DTNBP1: variants seen among roughly 807,000 people sequenced by gnomAD.
The protein encoded by DTNBP1 is dysbindin.
In DTNBP1, 35 loss-of-function variants were observed where a neutral mutation model predicts 42.8. The observed-to-expected ratio is 0.82, with a 90% CI of 0.63 to 1.09. The LOEUF (loss-of-function observed/expected upper bound fraction) is 1.09, where lower values mean the gene tolerates loss of function less well. DTNBP1 is among the 50% of genes least tolerant of loss of function. The pLI is 0.00. For synonymous variants in DTNBP1, 171 were observed against 162.2 expected, an observed-to-expected ratio of 1.05 and a Z score of -0.41; for missense variants, 457 against 424.2, an observed-to-expected ratio of 1.08 and a Z score of -0.68.
intron 7 of DTNBP1, among the ~76,000 whole-genome samples, chr6:15,568,554 A>C (rs959987824): frequency 6.6e-6 from 1 of 152,004 alleles, no homozygotes; most frequent in African/African-American, 2.4e-5. Context: ...TTTATACACG[A>C]ATTTTTTTTT....
In DTNBP1 at chr6:15,584,031, ACTGT is replaced by A. The variant is rs1212564587; in HGVS notation, c.511+9024_511+9027del. Among the ~76,000 whole-genome samples, 20 of 152,180 alleles carry A rather than the reference ACTGT, an allele frequency of 1.3e-4. 1 individual carries two copies. Among genetic ancestry groups the A allele is most frequent in the Admixed American group, 1.0e-3 (16 of 15,274 alleles). On this transcript the variant is annotated intron_variant, in intron 7 of 9. Coordinates refer to ENST00000344537, the MANE Select transcript of DTNBP1 (RefSeq NM_032122.5). The stretch of plus-strand genomic sequence containing the variant: ...ACAATCAACTCCGTCTTAGAAATAA[ACTGT>A]CTTAGAGCCAAAATTAACAAACAGG...
rs921558913 is a variant in DTNBP1, at chr6:15,592,955, T to C, written c.511+104A>G. ...AACAGTATTAAGTTTTACTGTTTTA[T>C]GTAAACTGATTTTAAAAAATGAGTT... is the stretch of plus-strand genomic sequence containing the variant. On this transcript the variant is annotated intron_variant, in intron 7 of 9. Coordinates refer to ENST00000344537, the MANE Select transcript of DTNBP1 (RefSeq NM_032122.5). 29 of 1,196,350 alleles carry C rather than the reference T, an allele frequency of 2.4e-5. No individual in the cohort carries two copies. The African/African-American group carries it at 4.1e-4, about 17-fold the overall frequency. The allele number at this position is 1,196,350 out of a possible 1,614,324, so 74.1% of individuals were successfully genotyped here.
chr6:15,556,942 C>G (rs890794185), intron 7 of DTNBP1, among the ~76,000 whole-genome samples: 1 of 152,170 alleles, frequency 6.6e-6, no homozygotes, highest in African/African-American at 2.4e-5. Flanking sequence ...GCTTCTTTGA[C>G]TTGAAAATTG....
At chr6:15,595,083 CCT>C in intron 6 of DTNBP1, 1 of 456,046 alleles carries the variant, frequency 2.2e-6, no homozygotes, top group Admixed American at 2.4e-5. Flanking sequence ...TTCTGGGCAT[CCT>C]CTGTCACACA....
Position 15,657,901 on chromosome 6 carries a change from TCTC to T in DTNBP1, c.56+4910_56+4912del, listed in dbSNP as rs1441212778. ...GTGCTTATCCAAATCTATCGCAATT[TCTC>T]CTCATTATTCAAGGCCTAGTTTTAG... On this transcript the variant is annotated intron_variant, in intron 1 of 9. Transcript: ENST00000344537. 8.5e-5 allele frequency among the ~76,000 whole-genome samples: 13 copies of T among 152,220 alleles called. No individual in the cohort carries two copies. In the South Asian group the frequency reaches 1.2e-3, roughly 15 times the overall value.
At chr6:15,558,273 CTTT>C (rs58029295) in intron 7 of DTNBP1, among the ~76,000 whole-genome samples, 4 of 136,516 alleles carry the variant, frequency 2.9e-5, no homozygotes, top group Admixed American at 7.3e-5. Context: ...GATGAGTACT[CTTT>C]TTTTTTTTTT....
chr6:15,607,010 A>ATT (rs3045755), intron 6 of DTNBP1, among the ~76,000 whole-genome samples: 2,705 of 138,032 alleles, frequency 0.02, 102 homozygotes, highest in African/African-American at 0.063. Context: ...TCAAAAAAAA[A>ATT]TTTTTTTTTT....
At position 15,662,824 on chromosome 6, in the gene DTNBP1, A is replaced by T. The variant is rs1296948691; in HGVS notation, c.46T>A (p.Phe16Ile). ...CCACCGTATACCCACCCGGAGGTGA[A>T]ATCCTGCTGCACGCTCAGCAGCCGC... is the stretch of plus-strand genomic sequence containing the variant. The part of the protein sequence containing the change: ...RERLLSVQQD[F>I]TSGLKTLSDK... The change falls in exon 1 of 10, where the codon TTC becomes ATC. Residue 16 changes from phenylalanine (F) to isoleucine (I), a missense_variant. Physicochemically the swap from Phe to Ile is conservative, Grantham distance 21 (BLOSUM62 0). Transcript: ENST00000344537. 1.9e-6 allele frequency: 3 copies of T among 1,611,352 alleles called. No homozygotes were observed. The highest frequency in any genetic ancestry group is 2.5e-6 in the Non-Finnish European group (3 of 1,179,514).
intron 6 of DTNBP1, among the ~76,000 whole-genome samples, chr6:15,610,106 G>T (rs767559473): frequency 1.3e-5 from 2 of 152,158 alleles, no homozygotes; most frequent in South Asian, 4.2e-4. Context: ...GTCAAGTCTG[G>T]AGCCCCTCAG....
At chr6:15,634,510 A>C (rs1296648220) in intron 4 of DTNBP1, among the ~76,000 whole-genome samples, 2 of 151,852 alleles carry the variant, frequency 1.3e-5, no homozygotes, top group Non-Finnish European at 2.9e-5. Context: ...TAGAGACAGG[A>C]TTTCACCACG....
chr6:15,538,881 C>G (rs1225797814), intron 7 of DTNBP1, among the ~76,000 whole-genome samples: 1 of 152,212 alleles, frequency 6.6e-6, no homozygotes, highest in Non-Finnish European at 1.5e-5. Flanking sequence ...TGGTTCAGCT[C>G]AGGGGAGTAT....
chr6:15,573,718 T>C (rs1165017047), intron 7 of DTNBP1, among the ~76,000 whole-genome samples: 1 of 152,146 alleles, frequency 6.6e-6, no homozygotes, highest in Non-Finnish European at 1.5e-5. Context: ...CGTTTGTTTG[T>C]TTTTTGAGAC....
intron 6 of DTNBP1, among the ~76,000 whole-genome samples, chr6:15,601,778 G>A (rs1271119531): frequency 6.6e-6 from 1 of 150,532 alleles, no homozygotes; most frequent in Non-Finnish European, 1.5e-5. Flanking sequence ...CCTGGAGGCA[G>A]AGGTTGTGGT....
At chr6:15,566,590 TAAA>T (rs761850423) in intron 7 of DTNBP1, among the ~76,000 whole-genome samples, 1 of 151,784 alleles carries the variant, frequency 6.6e-6, no homozygotes, top group Non-Finnish European at 1.5e-5. Context: ...ACATGACAGA[TAAA>T]GAAGGAAATA....
chr6:15,627,579 T>G, intron 4 of DTNBP1, 104 bp from the exon 5 acceptor site: 1 of 1,483,558 alleles, frequency 6.7e-7, no homozygotes, highest in South Asian at 1.2e-5. Flanking sequence ...ACCCCTCTAC[T>G]CAGTAGAGAT....
chr6:15,533,299 A>G lies in DTNBP1; in HGVS notation c.608T>C (p.Phe203Ser). The G allele has an allele frequency of 6.2e-7, 1 of 1,614,150 alleles. No homozygotes were observed. The highest frequency in any genetic ancestry group is 8.5e-7 in the Non-Finnish European group (1 of 1,180,026). The change falls in exon 8 of 10, where the codon TTC becomes TCC. Residue 203 changes from phenylalanine (F) to serine (S), a missense_variant. Physicochemically the swap from Phe to Ser is radical, Grantham distance 155. Coordinates refer to ENST00000344537, the MANE Select transcript of DTNBP1 (RefSeq NM_032122.5). ...CAGGTACTGCTCCATGTCCTGCTGG[A>G]AGGCTTCCTCAAAAAACTTCTGCCG... ...KERQKFFEEA[F>S]QQDMEQYLST...
At chr6:15,561,403 T>A (rs1581324692) in intron 7 of DTNBP1, among the ~76,000 whole-genome samples, 1 of 152,238 alleles carries the variant, frequency 6.6e-6, no homozygotes, top group Admixed American at 6.5e-5. Flanking sequence ...ATAAGTTAAC[T>A]CAATATTTTA....
chr6:15,565,222 T>C (rs1376405942), intron 7 of DTNBP1, among the ~76,000 whole-genome samples: 2 of 152,212 alleles, frequency 1.3e-5, no homozygotes, highest in African/African-American at 2.4e-5. Flanking sequence ...CCCTAATACA[T>C]TGCTGGAGGG....
intron 7 of DTNBP1, chr6:15,579,756 G>C (rs71554529): frequency 4.8e-6 from 2 of 416,346 alleles, no homozygotes; most frequent in East Asian, 1.5e-4. Context: ...GGTGAGCTGA[G>C]ATCGTGCCAC....
Sources: gnomAD v4.1 joint callset for allele counts (sites outside exome capture counted in the v4.1 genomes callset) on GRCh38, gnomAD v4.1.1 for gene constraint, MANE v1.5 for transcripts, NCBI Gene and HGNC (gene_info 2026-07-23, HGNC 2026-07-21) for gene names.